The following CELF2 variants were observed in gnomAD, a reference collection of about 807,000 sequenced individuals.
CELF2 encodes the protein CUG triplet repeat RNA-binding protein 2.
In CELF2, 8 loss-of-function variants were observed where a neutral mutation model predicts 62.6. The ratio of observed to expected loss-of-function variants is 0.13; its 90% CI spans 0.07 to 0.23. The LOEUF (loss-of-function observed/expected upper bound fraction) is 0.23. CELF2 is among the 10% of genes least tolerant of loss of function. The probability of loss-of-function intolerance (pLI) is 1.00; values close to 1 mark genes in which losing one functional copy is unlikely to be tolerated. For synonymous variants in CELF2, 258 were observed against 250.0 expected (o/e 1.03, Z -0.30); for missense variants, 333 against 671.0 (o/e 0.50, Z 5.56).
chr10:10,567,263 C>T, the CELF2 span, among the ~76,000 whole-genome samples: 1 of 152,190 alleles, frequency 6.6e-6, no homozygotes. Context: ...TCGTGTTACA[C>T]TTCCAACAAA....
the CELF2 span, among the ~76,000 whole-genome samples, chr10:10,689,268 G>A: frequency 1.3e-5 from 2 of 152,020 alleles, no homozygotes; most frequent in Non-Finnish European, 2.9e-5. Context: ...TTCTTCACAT[G>A]GTGGCAGGAG....
chr10:10,657,435 A>G, the CELF2 span, among the ~76,000 whole-genome samples: 1 of 152,138 alleles, frequency 6.6e-6, no homozygotes, highest in Admixed American at 6.5e-5. Flanking sequence ...CAAAAACCAT[A>G]ATTGCTTTTG....
the CELF2 span, among the ~76,000 whole-genome samples, chr10:10,532,000 TCAGA>T: frequency 1.1e-4 from 17 of 152,318 alleles, no homozygotes; most frequent in Admixed American, 5.9e-4. Flanking sequence ...GACTGGGTGC[TCAGA>T]CAGCCTTAAA....
chr10:11,003,984 G>A (rs1387359703), upstream of CELF2, among the ~76,000 whole-genome samples: 1 of 152,138 alleles, frequency 6.6e-6, no homozygotes, highest in African/African-American at 2.4e-5. The surrounding 1 kb of genome is among the most constrained non-coding windows in gnomAD (Gnocchi z 4.4). Flanking sequence ...CCATAGTCCA[G>A]CTGATACATC....
At chr10:11,129,876 G>A (rs1246217409) in intron 1 of CELF2, among the ~76,000 whole-genome samples, 1 of 152,132 alleles carries the variant, frequency 6.6e-6, no homozygotes, top group East Asian at 1.9e-4. Context: ...GTCTCCTTCA[G>A]TTCTGCTCTG....
chr10:11,196,704 T>C (rs1370712428), intron 2 of CELF2, among the ~76,000 whole-genome samples: 1 of 151,170 alleles, frequency 6.6e-6, no homozygotes, highest in Non-Finnish European at 1.5e-5. Flanking sequence ...ACACCTGTAA[T>C]CCCAGCACTT....
At position 10,817,188 on chromosome 10, in the gene CELF2, T is replaced by G. The variant is rs10905834; in HGVS notation, c.53+18371T>G. On this transcript the variant is annotated intron_variant, in intron 1 of 13. Coordinates refer to the CELF2 transcript ENST00000636488. ...TAAGTTTAGGGCATTAACATGAGGG[T>G]TTTTTTCCTTTTTTTAATTTTTGTG... Among the ~76,000 whole-genome samples the G allele has an allele frequency of 4.4e-3, 668 of 152,116 alleles. 6 individuals carry two copies. The highest frequency in any genetic ancestry group is 0.015 in the African/African-American group (641 of 41,496).
chr10:10,928,281 T>A lies in CELF2; in HGVS notation c.89+8282T>A. 6.6e-6 allele frequency among the ~76,000 whole-genome samples: 1 copy of A among 152,234 alleles called. No homozygotes were observed. The highest frequency in any genetic ancestry group is 1.9e-4 in the East Asian group (1 of 5,202). On this transcript the variant is annotated intron_variant, in intron 2 of 13. Transcript: ENST00000636488. The surrounding 1 kb of genome is among the most constrained non-coding windows in gnomAD (Gnocchi z 4.8). ...AGAACTGGCAGTCAATAAATGTTTG[T>A]TGAATGACTATATGAGCCCCCATTT...
intron 1 of CELF2, among the ~76,000 whole-genome samples, chr10:11,090,663 A>C (rs559627389): frequency 3.3e-5 from 5 of 152,356 alleles, no homozygotes; most frequent in African/African-American, 9.6e-5. Context: ...ATATTATGAT[A>C]TATCTACATA....
intron 1 of CELF2, among the ~76,000 whole-genome samples, chr10:10,853,072 G>A (rs1402586999): frequency 6.6e-6 from 1 of 152,114 alleles, no homozygotes; most frequent in African/African-American, 2.4e-5. Context: ...TCCACCTCCT[G>A]GGTTTAAGTG....
At chr10:10,651,765 T>G in the CELF2 span, among the ~76,000 whole-genome samples, 49 of 151,224 alleles carry the variant, frequency 3.2e-4, no homozygotes, top group South Asian at 0.01. Context: ...ACCACAAAGA[T>G]GGGGAAAAAA....
intron 1 of CELF2, among the ~76,000 whole-genome samples, chr10:11,037,267 GACTT>G (rs924712464): frequency 1.4e-4 from 21 of 152,192 alleles, no homozygotes; most frequent in African/African-American, 4.1e-4. Context: ...GCTCTCCTGA[GACTT>G]ACTGTCGTGA....
chr10:10,864,665 C>T (rs12355354), intron 1 of CELF2, among the ~76,000 whole-genome samples: 19,069 of 152,080 alleles, frequency 0.13, 1,544 homozygotes, highest in Non-Finnish European at 0.19. Context: ...ATTGTAAGAA[C>T]TCCACTCTCC....
At chr10:10,485,841 A>G in the CELF2 span, among the ~76,000 whole-genome samples, 1 of 152,216 alleles carries the variant, frequency 6.6e-6, no homozygotes, top group African/African-American at 2.4e-5. Flanking sequence ...TAATCAGGAT[A>G]AATCGAAAGC....
At chr10:10,913,111 C>A (rs2063960648) in intron 1 of CELF2, among the ~76,000 whole-genome samples, 1 of 152,034 alleles carries the variant, frequency 6.6e-6, no homozygotes, top group Admixed American at 6.5e-5. Context: ...GACACACACA[C>A]ACACATTTTG....
chr10:11,065,565 AG>A (rs1296168622), intron 1 of CELF2, among the ~76,000 whole-genome samples: 4 of 152,118 alleles, frequency 2.6e-5, no homozygotes, highest in East Asian at 3.9e-4. Context: ...TGTCAAAATG[AG>A]GGGGGGATCC....
At chr10:10,558,279 T>G in the CELF2 span, among the ~76,000 whole-genome samples, 1 of 152,008 alleles carries the variant, frequency 6.6e-6, no homozygotes, top group Non-Finnish European at 1.5e-5. Flanking sequence ...TTTTTCTGCA[T>G]CTATTGAGAT....
chr10:10,899,014 G>A (rs898732850), intron 1 of CELF2, among the ~76,000 whole-genome samples: 4 of 152,116 alleles, frequency 2.6e-5, no homozygotes, highest in African/African-American at 9.7e-5. Flanking sequence ...ACATCAAATG[G>A]TCATTAGAAA....
At chr10:10,508,164 A>C in the CELF2 span, among the ~76,000 whole-genome samples, 1 of 34,220 alleles carries the variant, frequency 2.9e-5, no homozygotes, top group African/African-American at 6.1e-5. Context: ...CTCACAGACA[A>C]ATACAAAAAA....
Sources: allele counts gnomAD v4.1 joint callset (sites outside exome capture counted in the v4.1 genomes callset), GRCh38; gene constraint gnomAD v4.1.1; non-coding constraint Gnocchi (gnomAD v3.1); transcripts MANE v1.5; gene names NCBI Gene and HGNC (gene_info 2026-07-23, HGNC 2026-07-21).